AGAP3: variants seen among roughly 807,000 people sequenced by gnomAD.
AGAP3 encodes the protein ArfGAP with GTPase domain, ankyrin repeat and PH domain 3.
A neutral mutation model predicts 96.9 loss-of-function variants in AGAP3; 24 were observed. That is an observed-to-expected ratio of 0.25 (90% CI 0.18 to 0.35). The LOEUF is 0.35. Ranked by LOEUF, AGAP3 falls within the 10% of genes least tolerant of loss-of-function variation. The pLI, the probability that AGAP3 is intolerant of heterozygous loss-of-function variation, is 1.00. For synonymous variants in AGAP3, 563 were observed against 536.1 expected, an observed-to-expected ratio of 1.05 and a Z score of -0.69; for missense variants, 876 against 1,254.2, an observed-to-expected ratio of 0.70 and a Z score of 4.55.
chr7:151,127,445 C>T (rs1584768140), intron 9 of AGAP3, among the ~76,000 whole-genome samples: 1 of 152,160 alleles, frequency 6.6e-6, no homozygotes, highest in East Asian at 1.9e-4. Context: ...AGGGTGAGCC[C>T]CACACTCAGC....
Position 151,117,660 on chromosome 7 carries a change from G to C in AGAP3, c.589G>C (p.Val197Leu). Residue 197 changes from valine to leucine, a missense_variant, in exon 5 of 18, where the codon GTG becomes CTG. Physicochemically the swap from Val to Leu is conservative, Grantham distance 32 (BLOSUM62 1). Transcript: ENST00000397238. ...LQFAAWVDAV[V>L]FVFSLEDEIS... ...GTTTGCTGCCTGGGTGGATGCAGTG[G>C]TGTTTGTGTTCAGCCTGGAGGATGA... is the stretch of plus-strand genomic sequence containing the variant. The C allele has an allele frequency of 6.2e-7, 1 of 1,614,218 alleles. No homozygotes were observed. The highest frequency in any genetic ancestry group is 8.5e-7 in the Non-Finnish European group (1 of 1,180,016).
chr7:151,130,509 T>C (rs1173443051), intron 10 of AGAP3, among the ~76,000 whole-genome samples: 1 of 151,628 alleles, frequency 6.6e-6, no homozygotes, highest in Non-Finnish European at 1.5e-5. Context: ...CATGTAAGAG[T>C]TAATAGCAGG....
chr7:151,118,518 A>C lies in AGAP3; in HGVS notation c.855A>C (p.Val285=), dbSNP rs1799706404. The C allele has an allele frequency of 5.6e-6, 9 of 1,614,162 alleles. No individual in the cohort carries two copies. Among genetic ancestry groups the C allele is most frequent in the Non-Finnish European group, 6.8e-6 (8 of 1,180,028 alleles). ...TGTCCCCTGCAGTGGCCCAGAAGGT[A>C]GTGGCCTTGCGAAAGAAGCAGCAAC... is the stretch of plus-strand genomic sequence containing the variant. ...ERVFQDVAQK[V]VALRKKQQLA... Residue 285 remains valine, a synonymous_variant, in exon 7 of 18, where the codon GTA becomes GTC. Coordinates refer to ENST00000397238, the MANE Select transcript of AGAP3 (RefSeq NM_031946.7). This position sits in a 1 kb window ranked among gnomAD's most constrained non-coding sequence, Gnocchi z 6.1.
chr7:151,117,156 C>T lies in AGAP3; in HGVS notation c.452C>T (p.Thr151Ile), dbSNP rs1799630642. ...CTGGTGCACCGCTATCTGACGGGGA[C>T]CTATGTCCAGGAGGAGTCCCCTGAA... ...SALVHRYLTG[T>I]YVQEESPEGG... The change falls in exon 3 of 18, where the codon ACC becomes ATC. Residue 151 changes from threonine (T) to isoleucine (I), a missense_variant. Around this residue, in one of 8 missense-constraint regions of AGAP3, gnomAD observed 131 missense variants for 304.5 expected, o/e 0.43. Transcript: ENST00000397238. The T allele has an allele frequency of 6.2e-7, 1 of 1,614,070 alleles. No individual in the cohort carries two copies. The highest frequency in any genetic ancestry group is 2.2e-5 in the East Asian group (1 of 44,884).
rs1799701032 is a variant in AGAP3 at position 151,118,409 on chromosome 7, C to T, written c.841+65C>T. On this transcript the variant is annotated intron_variant, in intron 6 of 17. Coordinates refer to ENST00000397238, the MANE Select transcript of AGAP3 (RefSeq NM_031946.7). The surrounding 1 kb of genome is among the most constrained non-coding windows in gnomAD (Gnocchi z 6.1). The stretch of plus-strand genomic sequence containing the variant: ...CCCCAGTGCTGGCGATAGGAAGGCT[C>T]CCAGTGAGAGCAAGGCTGTGTGTCT... The T allele has an allele frequency of 6.3e-7, 1 of 1,596,138 alleles. No individual in the cohort carries two copies.
At chr7:151,122,836 G>A in intron 8 of AGAP3, 1 of 1,611,386 alleles carries the variant, frequency 6.2e-7, no homozygotes, top group Non-Finnish European at 8.5e-7. Context: ...CCCTGTGCGG[G>A]GCCGGAGGCG....
chr7:151,110,018 G>T (rs1351762102), intron 1 of AGAP3, among the ~76,000 whole-genome samples: 4 of 152,252 alleles, frequency 2.6e-5, no homozygotes, highest in Admixed American at 2.0e-4. Flanking sequence ...ACCGTGGCTG[G>T]TCACCCACCA....
intron 1 of AGAP3, among the ~76,000 whole-genome samples, chr7:151,088,987 G>T (rs1351001852): frequency 1.3e-5 from 2 of 151,932 alleles, no homozygotes; most frequent in Non-Finnish European, 2.9e-5. Flanking sequence ...TCACCAGACC[G>T]ACCCAGCCGC....
At chr7:151,123,397 C>T (rs1800009711) in intron 8 of AGAP3, 1 of 1,079,432 alleles carries the variant, frequency 9.3e-7, no homozygotes, top group Non-Finnish European at 1.1e-6. Flanking sequence ...GTCTGTGCCG[C>T]AGACGGGCCA....
intron 9 of AGAP3, among the ~76,000 whole-genome samples, chr7:151,124,152 G>T (rs1800054738): frequency 6.6e-6 from 1 of 152,226 alleles, no homozygotes. Context: ...TGTTCAGCCA[G>T]GCGCTCAGCC....
In AGAP3 at chr7:151,142,081, G is replaced by C. The variant is rs751268253; in HGVS notation, c.1959+29G>C. 2 of 1,608,332 alleles carry C rather than the reference G, an allele frequency of 1.2e-6. No individual in the cohort carries two copies. The highest frequency in any genetic ancestry group is 1.7e-6 in the Non-Finnish European group (2 of 1,175,830). On this transcript the variant is annotated intron_variant, in intron 14 of 17. Coordinates refer to ENST00000397238, the MANE Select transcript of AGAP3 (RefSeq NM_031946.7). The surrounding 1 kb of genome is among the most constrained non-coding windows in gnomAD (Gnocchi z 7.5). Reference sequence around the variant, plus strand: ...GGTACAGAGTGACTGGGCCCACACAGAGCACCTGGCTGGGGTGGGACTGAA... The same window carrying C: ...GGTACAGAGTGACTGGGCCCACACACAGCACCTGGCTGGGGTGGGACTGAA...
chr7:151,128,150 G>A (rs1451374495), intron 9 of AGAP3, among the ~76,000 whole-genome samples: 1 of 152,158 alleles, frequency 6.6e-6, no homozygotes, highest in Admixed American at 6.5e-5. Context: ...AATCTCTGCT[G>A]TTTTGACCCT....
chr7:151,118,064 T>G lies in AGAP3; in HGVS notation c.707-146T>G. ...CAGTGAGGCCATGGAAGGGTTGAAA[T>G]GAGACCCAGGCACCCGCGTTCTTGG... On this transcript the variant is annotated intron_variant, in intron 5 of 17. Transcript: ENST00000397238. This position sits in a 1 kb window ranked among gnomAD's most constrained non-coding sequence, Gnocchi z 6.1. 1 of 1,145,112 alleles carries G rather than the reference T, an allele frequency of 8.7e-7. No individual in the cohort carries two copies. The highest frequency in any genetic ancestry group is 1.2e-6 in the Non-Finnish European group (1 of 816,482). The allele number at this position is 1,145,112 out of a possible 1,614,324, so 70.9% of individuals were successfully genotyped here.
intron 3 of AGAP3, 65 bp from the exon 4 acceptor site, chr7:151,117,306 A>G (rs1293557858): frequency 1.9e-5 from 30 of 1,603,738 alleles, no homozygotes; most frequent in Non-Finnish European, 2.2e-5. Flanking sequence ...GGGAAGCTGT[A>G]GATTTCTTCT....
At chr7:151,122,883 C>T in intron 8 of AGAP3, 1 of 1,547,416 alleles carries the variant, frequency 6.5e-7, no homozygotes. Context: ...TGAGAAGCGG[C>T]CGCCGAGCTC....
At chr7:151,121,778 T>C (rs758961212) in intron 8 of AGAP3, among the ~76,000 whole-genome samples, 1 of 152,192 alleles carries the variant, frequency 6.6e-6, no homozygotes, top group Non-Finnish European at 1.5e-5. Context: ...ACTTGCACCA[T>C]TGTCCCTGAG....
At chr7:151,125,927 C>T (rs890122803) in intron 9 of AGAP3, among the ~76,000 whole-genome samples, 1 of 152,242 alleles carries the variant, frequency 6.6e-6, no homozygotes, top group Non-Finnish European at 1.5e-5. Context: ...AGATTGCTTC[C>T]TGCTCCGCCG....
At chr7:151,126,412 A>AAGGCTGGGAGAGGCTGGGAG (rs1208198862) in intron 9 of AGAP3, among the ~76,000 whole-genome samples, 93 of 65,062 alleles carry the variant, frequency 1.4e-3, no homozygotes, top group Non-Finnish European at 2.4e-3. Context: ...TCTCCTGCTG[A>AAGGCTGGGAGAGGCTGGGAG]AGGCTGGGAG....
At chr7:151,126,003 G>A (rs998756546) in intron 9 of AGAP3, among the ~76,000 whole-genome samples, 2 of 151,686 alleles carry the variant, frequency 1.3e-5, no homozygotes, top group Non-Finnish European at 2.9e-5. Flanking sequence ...GGAGTGGGAA[G>A]AGGCACGGGC....
Sources: allele counts gnomAD v4.1 joint callset (sites outside exome capture counted in the v4.1 genomes callset), GRCh38; gene constraint gnomAD v4.1.1; regional missense constraint gnomAD v4.1.1; non-coding constraint Gnocchi (gnomAD v3.1); transcripts MANE v1.5; gene names NCBI Gene and HGNC (gene_info 2026-07-23, HGNC 2026-07-21).